PAIP2B: variants seen among roughly 807,000 people sequenced by gnomAD.
PAIP2B encodes the protein poly(A) binding protein interacting protein 2B, also known as polyadenylate-binding protein-interacting protein 2B.
In PAIP2B, 13 loss-of-function variants were observed where a neutral mutation model predicts 17.0. The observed-to-expected ratio is 0.76, with a 90% CI of 0.50 to 1.22. PAIP2B has a LOEUF of 1.22. Ranked by LOEUF, PAIP2B falls within the 50% of genes most tolerant of loss-of-function variation. The pLI, the probability that PAIP2B is intolerant of heterozygous loss-of-function variation, is 0.00. For synonymous variants in PAIP2B, 43 were observed against 48.7 expected, an observed-to-expected ratio of 0.88 and a Z score of 0.48; for missense variants, 117 against 144.5, an observed-to-expected ratio of 0.81 and a Z score of 0.98.
chr2:71,205,781 C>A (rs1204631714), intron 1 of PAIP2B, among the ~76,000 whole-genome samples: 3 of 152,096 alleles, frequency 2.0e-5, no homozygotes, highest in Non-Finnish European at 2.9e-5. Flanking sequence ...GTAGTGAGGA[C>A]AAAGAAAATA....
At chr2:71,223,565 T>C (rs1473728960) in intron 1 of PAIP2B, among the ~76,000 whole-genome samples, 1 of 151,706 alleles carries the variant, frequency 6.6e-6, no homozygotes, top group African/African-American at 2.4e-5. Context: ...GCCTCCTGAA[T>C]AGCTGGGACT....
chr2:71,201,679 C>A (rs1004328993), intron 2 of PAIP2B, among the ~76,000 whole-genome samples: 1 of 152,272 alleles, frequency 6.6e-6, no homozygotes, highest in East Asian at 1.9e-4. Context: ...CAATGCCTGG[C>A]CTTAAACTTC....
At chr2:71,224,092 A>C (rs867895981) in intron 1 of PAIP2B, among the ~76,000 whole-genome samples, 1 of 152,322 alleles carries the variant, frequency 6.6e-6, no homozygotes, top group Middle Eastern at 3.4e-3. Flanking sequence ...GCCTTGTCTC[A>C]GCCCTCATAC....
chr2:71,208,239 C>G (rs1276971955), intron 1 of PAIP2B, among the ~76,000 whole-genome samples: 1 of 152,076 alleles, frequency 6.6e-6, no homozygotes, highest in African/African-American at 2.4e-5. Context: ...GCCTGGCCAA[C>G]ATGGTGAAAC....
intron 1 of PAIP2B, among the ~76,000 whole-genome samples, chr2:71,222,314 AC>A (rs1314629208): frequency 6.6e-6 from 1 of 152,312 alleles, no homozygotes; most frequent in Non-Finnish European, 1.5e-5. Context: ...AAGTGACTGG[AC>A]CAGGGCTCAG....
chr2:71,218,869 G>T (rs1417651714), intron 1 of PAIP2B, among the ~76,000 whole-genome samples: 1 of 151,002 alleles, frequency 6.6e-6, no homozygotes, highest in African/African-American at 2.4e-5. Flanking sequence ...ATAAAAAGCA[G>T]CAAACCAGAA....
In PAIP2B at chr2:71,207,315, G is replaced by C. The variant is rs202005108; in HGVS notation, c.-11-4715C>G. Among the ~76,000 whole-genome samples the C allele has an allele frequency of 2.0e-4, 31 of 152,242 alleles. 1 individual carries two copies. The South Asian group carries it at 2.1e-3, about 10-fold the overall frequency. ...GAGGAGAGAGAAAATGACGTACAAT[G>C]AATCAAAGGCAGGAGGGAATTTTCG... is the stretch of plus-strand genomic sequence containing the variant. On this transcript the variant is annotated intron_variant, in intron 1 of 3. Coordinates refer to ENST00000244221, the MANE Select transcript of PAIP2B (RefSeq NM_020459.1).
intron 2 of PAIP2B, among the ~76,000 whole-genome samples, chr2:71,192,739 C>T (rs905934770): frequency 4.6e-5 from 7 of 152,172 alleles, no homozygotes; most frequent in Non-Finnish European, 1.0e-4. Flanking sequence ...GCCTGCAACT[C>T]CATCCATGTT....
At chr2:71,200,497 A>C (rs960062585) in intron 2 of PAIP2B, among the ~76,000 whole-genome samples, 2 of 152,214 alleles carry the variant, frequency 1.3e-5, no homozygotes, top group Non-Finnish European at 2.9e-5. Flanking sequence ...CACGCCTGTA[A>C]TCCCAGCACT....
intron 3 of PAIP2B, 54 bp from the exon 4 acceptor site, chr2:71,188,589 T>G: frequency 2.1e-6 from 3 of 1,447,288 alleles, no homozygotes; most frequent in South Asian, 2.4e-5. Flanking sequence ...ATTTTAAAAC[T>G]TACCCAGTCC....
At chr2:71,211,920 C>CT (rs1172299787) in intron 1 of PAIP2B, among the ~76,000 whole-genome samples, 3 of 152,188 alleles carry the variant, frequency 2.0e-5, no homozygotes, top group Admixed American at 6.5e-5. Flanking sequence ...TCAGACCCAC[C>CT]TTTGAGTCCT....
At chr2:71,209,931 T>A (rs569963028) in intron 1 of PAIP2B, among the ~76,000 whole-genome samples, 1 of 152,172 alleles carries the variant, frequency 6.6e-6, no homozygotes, top group South Asian at 2.1e-4. Flanking sequence ...TTCAAGCGAT[T>A]CTCCTGCCTC....
intron 1 of PAIP2B, among the ~76,000 whole-genome samples, chr2:71,211,344 A>G (rs923828888): frequency 5.9e-5 from 9 of 152,094 alleles, no homozygotes; most frequent in Non-Finnish European, 8.8e-5. Flanking sequence ...ATATAGAATC[A>G]CCTGGAAGTT....
chr2:71,192,461 T>A lies in PAIP2B; in HGVS notation c.139-2440A>T, dbSNP rs190111720. On this transcript the variant is annotated intron_variant, in intron 2 of 3. Transcript: ENST00000244221. ...GTAATCTTTGATGTTACTTTTTTTT[T>A]AATTTTAGGTTTGAAGTACACGTGA... Among the ~76,000 whole-genome samples, 40 of 152,232 alleles carry A rather than the reference T, an allele frequency of 2.6e-4. No homozygotes were observed. In the East Asian group the frequency reaches 4.6e-3, roughly 18 times the overall value.
chr2:71,197,615 A>T (rs1396492557), intron 2 of PAIP2B, among the ~76,000 whole-genome samples: 3 of 152,202 alleles, frequency 2.0e-5, no homozygotes, highest in African/African-American at 7.2e-5. Context: ...CTGTTTTCAC[A>T]CTGCTGATAA....
At chr2:71,215,318 C>T (rs1675400366) in intron 1 of PAIP2B, among the ~76,000 whole-genome samples, 1 of 151,934 alleles carries the variant, frequency 6.6e-6, no homozygotes, top group Admixed American at 6.6e-5. Flanking sequence ...AGAAAAAATG[C>T]AGACTCCCCC....
intron 2 of PAIP2B, among the ~76,000 whole-genome samples, chr2:71,196,193 T>C (rs357770): frequency 0.75 from 114,722 of 152,072 alleles, 43,725 homozygotes; most frequent in East Asian, 1. Context: ...TTAGCTATGT[T>C]CCAGAGATTC....
chr2:71,197,993 T>C (rs1674866760), intron 2 of PAIP2B, among the ~76,000 whole-genome samples: 1 of 152,248 alleles, frequency 6.6e-6, no homozygotes, highest in Admixed American at 6.5e-5. Context: ...TCTTTCAAGT[T>C]ATTTACTTTG....
At chr2:71,207,362 C>A (rs76609413) in intron 1 of PAIP2B, among the ~76,000 whole-genome samples, 4 of 152,040 alleles carry the variant, frequency 2.6e-5, no homozygotes, top group African/African-American at 9.7e-5. Flanking sequence ...AAGGTAGGTA[C>A]GTATATAGCC....
Sources: allele counts gnomAD v4.1 joint callset (sites outside exome capture counted in the v4.1 genomes callset), GRCh38; gene constraint gnomAD v4.1.1; transcripts MANE v1.5; gene names NCBI Gene and HGNC (gene_info 2026-07-23, HGNC 2026-07-21).